SGCD: variants seen among roughly 807,000 people sequenced by gnomAD.
SGCD encodes delta-sarcoglycan.
Under a neutral mutation model 36.6 loss-of-function variants are expected in SGCD, and 18 were observed. The ratio of observed to expected loss-of-function variants is 0.49; its 90% confidence interval spans 0.34 to 0.73. The LOEUF (loss-of-function observed/expected upper bound fraction) is 0.73. Ranked by LOEUF, SGCD falls within the 30% of genes least tolerant of loss-of-function variation. SGCD has a pLI of 0.01. For synonymous variants in SGCD, 133 were observed against 130.6 expected (o/e 1.02, Z -0.12); for missense variants, 387 against 346.7 (o/e 1.12, Z -0.92).
At chr5:156,506,875 T>G (rs571443247) in intron 3 of SGCD, among the ~76,000 whole-genome samples, 11 of 152,318 alleles carry the variant, frequency 7.2e-5, no homozygotes, top group African/African-American at 2.2e-4. Context: ...GTTGATGAGA[T>G]GAACTTTCTC....
At chr5:156,546,392 G>GC (rs1484726847) in intron 4 of SGCD, among the ~76,000 whole-genome samples, 1 of 152,206 alleles carries the variant, frequency 6.6e-6, no homozygotes, top group African/African-American at 2.4e-5. Flanking sequence ...GTGAGGACCA[G>GC]CAGGTATGTA....
In SGCD at chr5:156,162,973, C is replaced by G. The variant is rs573705353; in HGVS notation, c.-44+38954C>G. ...GTGTTTATCTAACTTCCCTCCTTCT[C>G]CTCCAGCTAACAGGCTTGCTTTTCT... is the stretch of plus-strand genomic sequence containing the variant. On this transcript the variant is annotated intron_variant, in intron 3 of 9. Coordinates refer to the SGCD transcript ENST00000517913. Among the ~76,000 whole-genome samples, 2 of 151,688 alleles carry G rather than the reference C, an allele frequency of 1.3e-5. 1 individual carries two copies. Among genetic ancestry groups the G allele is most frequent in the African/African-American group, 4.9e-5 (2 of 40,996 alleles).
At chr5:156,098,875 T>C (rs1411095677) in intron 1 of SGCD, among the ~76,000 whole-genome samples, 2 of 152,246 alleles carry the variant, frequency 1.3e-5, no homozygotes, top group East Asian at 3.8e-4. Flanking sequence ...CACCTTGGTA[T>C]CTCTTGGCAG....
At chr5:156,685,005 C>G (rs1173785888) in intron 7 of SGCD, among the ~76,000 whole-genome samples, 1 of 151,884 alleles carries the variant, frequency 6.6e-6, no homozygotes, top group Non-Finnish European at 1.5e-5. Context: ...AAGATATACT[C>G]GCATTTAGGG....
At position 156,572,305 on chromosome 5, in the gene SGCD, C is replaced by A. The variant is rs76497200; in HGVS notation, c.295-16926C>A. Among the ~76,000 whole-genome samples the A allele has an allele frequency of 9.2e-3, 1,394 of 152,246 alleles. 9 individuals are homozygous for A. Among genetic ancestry groups the A allele is most frequent in the African/African-American group, 0.032 (1,319 of 41,528 alleles). ...AGTAATATGGGAATTCCACGCTTAACTTATTGAGGAACTGACAAGCTGTTT... is the reference window on the plus strand; with the variant it reads ...AGTAATATGGGAATTCCACGCTTAAATTATTGAGGAACTGACAAGCTGTTT... On this transcript the variant is annotated intron_variant, in intron 4 of 8. Transcript: ENST00000337851.
chr5:156,245,320 T>C (rs1205479408), intron 3 of SGCD, among the ~76,000 whole-genome samples: 2 of 152,186 alleles, frequency 1.3e-5, no homozygotes, highest in Non-Finnish European at 2.9e-5. Flanking sequence ...ATTCGATAGT[T>C]GTTCAGGGAA....
intron 1 of SGCD, among the ~76,000 whole-genome samples, chr5:156,091,909 T>C (rs994317898): frequency 4.6e-5 from 7 of 152,210 alleles, no homozygotes; most frequent in Non-Finnish European, 1.0e-4. Context: ...CACCCCTTGG[T>C]TGTTCAGTCC....
At chr5:155,809,640 A>G in the SGCD span, among the ~76,000 whole-genome samples, 1 of 152,182 alleles carries the variant, frequency 6.6e-6, no homozygotes, top group Admixed American at 6.5e-5. Flanking sequence ...AGGGAAAAAG[A>G]GCAAAGAGAA....
the SGCD span, among the ~76,000 whole-genome samples, chr5:155,835,956 G>A: frequency 1.3e-5 from 2 of 152,208 alleles, no homozygotes; most frequent in Non-Finnish European, 1.5e-5. Flanking sequence ...ACCCTTTACT[G>A]TCTAGGAAAA....
chr5:155,925,839 A>G (rs1756984619), intron 1 of SGCD, among the ~76,000 whole-genome samples: 2 of 151,896 alleles, frequency 1.3e-5, no homozygotes, highest in African/African-American at 4.8e-5. Flanking sequence ...CTGGTCTCGA[A>G]CTCCTGGCCT....
At position 156,766,005 on chromosome 5, in the gene SGCD, A is replaced by T. The variant is rs867015130; in HGVS notation, c.*6615A>T. ...ATCTAGAACAACAACAAAAATATTAATTTTTTCTGTGTATGCTTAGGTCAA... is the reference window on the plus strand; with the variant it reads ...ATCTAGAACAACAACAAAAATATTATTTTTTTCTGTGTATGCTTAGGTCAA... On this transcript the variant is annotated 3_prime_UTR_variant, in exon 9 of 9. Transcript: ENST00000337851. 6.7e-6 allele frequency: 1 copy of T among 150,134 alleles called. No homozygotes were observed. Among genetic ancestry groups the T allele is most frequent in the South Asian group, 2.1e-4 (1 of 4,736 alleles). 9.3% of individuals were successfully genotyped at this position (150,134 alleles called of 1,614,324 possible).
At chr5:156,027,938 A>C (rs1015595484) in intron 1 of SGCD, among the ~76,000 whole-genome samples, 1 of 152,166 alleles carries the variant, frequency 6.6e-6, no homozygotes, top group Non-Finnish European at 1.5e-5. Context: ...TAAACACTGT[A>C]TACTCATATG....
chr5:156,501,455 C>T (rs1756449481), intron 3 of SGCD, among the ~76,000 whole-genome samples: 2 of 152,298 alleles, frequency 1.3e-5, no homozygotes, highest in South Asian at 4.2e-4. Flanking sequence ...TATTGCGCTG[C>T]TACTCTGATT....
chr5:156,689,924 A>G (rs1369874076), intron 7 of SGCD, among the ~76,000 whole-genome samples: 1 of 152,232 alleles, frequency 6.6e-6, no homozygotes, highest in Non-Finnish European at 1.5e-5. Flanking sequence ...AGCAAACTAA[A>G]TGTAGAATAC....
intron 3 of SGCD, among the ~76,000 whole-genome samples, chr5:156,173,825 A>T (rs954398871): frequency 4.4e-5 from 3 of 68,550 alleles, no homozygotes; most frequent in African/African-American, 8.1e-5. Context: ...TAGTAAATTA[A>T]AAAAAAAACA....
At chr5:155,799,894 A>G in the SGCD span, among the ~76,000 whole-genome samples, 10 of 139,464 alleles carry the variant, frequency 7.2e-5, no homozygotes, top group African/African-American at 2.2e-4. Flanking sequence ...TCTTGGTTCA[A>G]TGCAATCTCT....
chr5:156,221,331 T>C (rs1764711633), intron 3 of SGCD, among the ~76,000 whole-genome samples: 1 of 152,114 alleles, frequency 6.6e-6, no homozygotes, highest in Admixed American at 6.6e-5. Flanking sequence ...GATGTATTCA[T>C]TGAATCATTA....
chr5:156,354,193 A>G (rs1038280610), intron 3 of SGCD, among the ~76,000 whole-genome samples: 7 of 152,202 alleles, frequency 4.6e-5, no homozygotes, highest in Non-Finnish European at 7.4e-5. Context: ...TAAATTAGCT[A>G]AAGTTAGAGG....
chr5:155,803,596 C>G, the SGCD span, among the ~76,000 whole-genome samples: 2 of 152,172 alleles, frequency 1.3e-5, no homozygotes, highest in African/African-American at 4.8e-5. Context: ...GAGAGGGAAG[C>G]AGGTAGAGCT....
Sources: gnomAD v4.1 joint callset for allele counts (sites outside exome capture counted in the v4.1 genomes callset) on GRCh38, gnomAD v4.1.1 for gene constraint, MANE v1.5 for transcripts, NCBI Gene and HGNC (gene_info 2026-07-23, HGNC 2026-07-21) for gene names.